Variants in RYR2 observed in about 807,000 individuals in gnomAD.
The protein encoded by RYR2 is cardiac muscle ryanodine receptor-calcium release channel.
Under a neutral mutation model 601.1 loss-of-function variants are expected in RYR2, and 227 were observed. That is an observed-to-expected ratio of 0.38 (90% CI 0.34 to 0.42). RYR2 has a LOEUF of 0.42. Ranked by LOEUF, RYR2 falls within the 10% of genes least tolerant of loss-of-function variation. The pLI is 1.00. For synonymous variants in RYR2, 2,223 were observed against 2,175.1 expected, an observed-to-expected ratio of 1.02 and a Z score of -0.61; for missense variants, 4,646 against 6,156.5, an observed-to-expected ratio of 0.75 and a Z score of 8.21.
chr1:237,208,070 TGTG>T (rs1253642065), intron 1 of RYR2, among the ~76,000 whole-genome samples: 3 of 152,168 alleles, frequency 2.0e-5, no homozygotes, highest in African/African-American at 7.2e-5. Flanking sequence ...CAGCGGGAGT[TGTG>T]GTAATAGTTC....
intron 2 of RYR2, among the ~76,000 whole-genome samples, chr1:237,302,197 T>A (rs764977570): frequency 2.0e-5 from 3 of 152,202 alleles, no homozygotes; most frequent in Non-Finnish European, 2.9e-5. Flanking sequence ...AAAGCTTTTC[T>A]GTTATTTTAC....
intron 8 of RYR2, among the ~76,000 whole-genome samples, chr1:237,384,603 A>G (rs1220867510): frequency 6.6e-6 from 1 of 152,374 alleles, no homozygotes; most frequent in Non-Finnish European, 1.5e-5. Context: ...GTTTACAAAA[A>G]TTTTTGGTAT....
intron 10 of RYR2, among the ~76,000 whole-genome samples, chr1:237,400,037 TACACACACAC>T (rs55730903): frequency 1.3e-5 from 2 of 149,142 alleles, no homozygotes; most frequent in African/African-American, 4.9e-5. Context: ...GTTTAGAACT[TACACACACAC>T]ACACACACAC....
chr1:237,730,677 C>G (rs1342689172), intron 77 of RYR2, among the ~76,000 whole-genome samples: 1 of 152,012 alleles, frequency 6.6e-6, no homozygotes, highest in African/African-American at 2.4e-5. Context: ...CCAGGATAGA[C>G]TATAAAAGAA....
chr1:237,245,715 C>A (rs957735393), intron 1 of RYR2, among the ~76,000 whole-genome samples: 2 of 152,190 alleles, frequency 1.3e-5, no homozygotes, highest in African/African-American at 4.8e-5. Flanking sequence ...TGAACATTTT[C>A]TTTAATTCTA....
At chr1:237,826,207 C>T (rs1012084979) in intron 101 of RYR2, among the ~76,000 whole-genome samples, 3 of 152,090 alleles carry the variant, frequency 2.0e-5, no homozygotes, top group African/African-American at 4.8e-5. Flanking sequence ...TATAAAGACA[C>T]ATGCACACGT....
chr1:237,232,556 T>C (rs1319276205), intron 1 of RYR2, among the ~76,000 whole-genome samples: 1 of 152,204 alleles, frequency 6.6e-6, no homozygotes, highest in Admixed American at 6.5e-5. Flanking sequence ...AGTAGGTGTT[T>C]CTCTGAGTTT....
chr1:237,808,024 A>C (rs1660833771), intron 99 of RYR2, among the ~76,000 whole-genome samples: 1 of 152,210 alleles, frequency 6.6e-6, no homozygotes, highest in African/African-American at 2.4e-5. Flanking sequence ...TAGCTATCCA[A>C]AAATTAAAGT....
chr1:237,530,909 CAA>C (rs71180034), intron 25 of RYR2, among the ~76,000 whole-genome samples: 4 of 145,674 alleles, frequency 2.7e-5, no homozygotes, highest in African/African-American at 1.0e-4. Flanking sequence ...GACTCCATCT[CAA>C]AAAAAAAAAA....
chr1:237,224,146 C>T (rs1015897620), intron 1 of RYR2, among the ~76,000 whole-genome samples: 11 of 151,924 alleles, frequency 7.2e-5, no homozygotes, highest in South Asian at 2.1e-4. Flanking sequence ...TCTACTTATA[C>T]GTGGAATTTT....
intron 1 of RYR2, among the ~76,000 whole-genome samples, chr1:237,224,793 G>C (rs929292527): frequency 2.0e-5 from 3 of 152,122 alleles, no homozygotes; most frequent in Non-Finnish European, 4.4e-5. Context: ...CCAGGAGTTG[G>C]AGGCTGCAGT....
chr1:237,481,463 T>C (rs1426634744), intron 17 of RYR2, among the ~76,000 whole-genome samples: 1 of 152,216 alleles, frequency 6.6e-6, no homozygotes, highest in East Asian at 1.9e-4. Context: ...TGTGTTGTAA[T>C]TATGCTATAT....
intron 66 of RYR2, 54 bp from the exon 67 acceptor site, chr1:237,705,159 T>A (rs1168706969): frequency 6.6e-7 from 1 of 1,525,566 alleles, no homozygotes; most frequent in Non-Finnish European, 9.0e-7. Flanking sequence ...GTAATATGAC[T>A]TTTTTAGTTA....
At chr1:237,805,316 C>T (rs912227304) in intron 98 of RYR2, among the ~76,000 whole-genome samples, 3 of 152,246 alleles carry the variant, frequency 2.0e-5, no homozygotes, top group Middle Eastern at 6.8e-3. Flanking sequence ...CGCAGTGGCT[C>T]ACGCCTGTAA....
At chr1:237,703,738 C>T (rs930103882) in intron 66 of RYR2, among the ~76,000 whole-genome samples, 1 of 150,580 alleles carries the variant, frequency 6.6e-6, no homozygotes, top group Non-Finnish European at 1.5e-5. Flanking sequence ...ATGTTTCTTC[C>T]CCTTAGTTTT....
rs994285003 is a variant in RYR2 at position 237,614,987 on chromosome 1, C to T, written c.5715+144C>T. On this transcript the variant is annotated intron_variant, in intron 37 of 104. Transcript: ENST00000366574. This position sits in a 1 kb window ranked among gnomAD's most constrained non-coding sequence, Gnocchi z 4.3. The stretch of plus-strand genomic sequence containing the variant: ...AGTTCTTCATAAAATTAACTAACTT[C>T]CTATTCTTTTCCCTCTTATTCATTA... 3.6e-5 allele frequency: 31 copies of T among 866,584 alleles called. No homozygotes were observed. Among genetic ancestry groups the T allele is most frequent in the African/African-American group, 3.6e-4 (21 of 58,842 alleles). The allele number at this position is 866,584 out of a possible 1,614,324, so 53.7% of individuals were successfully genotyped here. A position where few individuals can be genotyped will look rare whatever the true frequency, so the allele number is the denominator to read the frequency against.
intron 1 of RYR2, among the ~76,000 whole-genome samples, chr1:237,048,597 A>G (rs562192200): frequency 2.6e-5 from 4 of 152,200 alleles, no homozygotes; most frequent in Non-Finnish European, 5.9e-5. Flanking sequence ...TATGCTTTTC[A>G]TCCTACACAG....
intron 2 of RYR2, among the ~76,000 whole-genome samples, chr1:237,277,989 A>G (rs1374127801): frequency 1.3e-5 from 2 of 152,084 alleles, no homozygotes; most frequent in Non-Finnish European, 2.9e-5. Context: ...TTAATTTCCT[A>G]TATGTGTGTT....
At chr1:237,663,254 G>C (rs959445996) in intron 56 of RYR2, among the ~76,000 whole-genome samples, 1 of 152,130 alleles carries the variant, frequency 6.6e-6, no homozygotes, top group Non-Finnish European at 1.5e-5. Flanking sequence ...CTGTCATCTT[G>C]TTAAACCTCT....
Sources: gnomAD v4.1 joint callset for allele counts (sites outside exome capture counted in the v4.1 genomes callset) on GRCh38, gnomAD v4.1.1 for gene constraint, Gnocchi (gnomAD v3.1) non-coding constraint, MANE v1.5 for transcripts, NCBI Gene and HGNC (gene_info 2026-07-23, HGNC 2026-07-21) for gene names.